Variants in NFASC observed in about 807,000 individuals in gnomAD.
NFASC encodes the protein neurofascin homolog.
In NFASC, 43 loss-of-function variants were observed where a neutral mutation model predicts 147.5. The ratio of observed to expected loss-of-function variants is 0.29; its 90% CI spans 0.23 to 0.38. The LOEUF is 0.38. Among genes scored for constraint, NFASC ranks in the 10% least tolerant of loss-of-function variants. The probability of loss-of-function intolerance (pLI) is 1.00; values close to 1 mark genes in which losing one functional copy is unlikely to be tolerated. For synonymous variants in NFASC, 622 were observed against 665.5 expected (o/e 0.93, Z 1.01); for missense variants, 1,320 against 1,689.0 (o/e 0.78, Z 3.83).
At chr1:204,952,917 C>T (rs1475535984) in intron 5 of NFASC, among the ~76,000 whole-genome samples, 2 of 152,128 alleles carry the variant, frequency 1.3e-5, no homozygotes, top group African/African-American at 4.8e-5. Flanking sequence ...TTTATTCTGG[C>T]CTCCTGGGTT....
At chr1:205,001,422 T>C in intron 26 of NFASC, 136 bp downstream of exon 26, 1 of 647,030 alleles carries the variant, frequency 1.5e-6, no homozygotes, top group South Asian at 1.8e-5. Flanking sequence ...TAATTATGGC[T>C]TAATGAAATC....
intron 1 of NFASC, among the ~76,000 whole-genome samples, chr1:204,879,412 G>A (rs2079684713): frequency 6.6e-6 from 1 of 152,200 alleles, no homozygotes; most frequent in South Asian, 2.1e-4. Flanking sequence ...AGGGCTTGGG[G>A]GCGCTCACTG....
At chr1:204,902,126 T>C (rs2084766172) in intron 1 of NFASC, among the ~76,000 whole-genome samples, 2 of 152,158 alleles carry the variant, frequency 1.3e-5, no homozygotes, top group Admixed American at 1.3e-4. Context: ...AGACCCCGTC[T>C]CTACAACAAG....
intron 1 of NFASC, among the ~76,000 whole-genome samples, chr1:204,904,197 A>G (rs1226412086): frequency 6.6e-6 from 1 of 152,218 alleles, no homozygotes; most frequent in Non-Finnish European, 1.5e-5. Context: ...TCCCAGCCTC[A>G]GGTGATCCTC....
chr1:205,012,878 C>T lies in NFASC; in HGVS notation c.3491+12C>T, dbSNP rs1426901707. On this transcript the variant is annotated intron_variant, in intron 29 of 29. Transcript: ENST00000339876. Reference sequence around the variant, plus strand: ...TCATTTGACTATAGGTGCGTGATCTCCCTCCTCCTCTCTCAGGCAGGCTGT... The same window carrying T: ...TCATTTGACTATAGGTGCGTGATCTTCCTCCTCCTCTCTCAGGCAGGCTGT... 1 of 1,598,802 alleles carries T rather than the reference C, an allele frequency of 6.3e-7. No individual in the cohort carries two copies.
At chr1:204,898,649 G>A (rs1156788976) in intron 1 of NFASC, among the ~76,000 whole-genome samples, 1 of 152,118 alleles carries the variant, frequency 6.6e-6, no homozygotes, top group Non-Finnish European at 1.5e-5. Flanking sequence ...ATTCCCAGTG[G>A]GCCAAAAGGC....
chr1:204,873,134 A>G (rs1020071629), intron 1 of NFASC, among the ~76,000 whole-genome samples: 6 of 134,380 alleles, frequency 4.5e-5, no homozygotes, highest in Admixed American at 4.3e-4. Flanking sequence ...GAGGGGGGCT[A>G]TGTGAAATGT....
intron 1 of NFASC, among the ~76,000 whole-genome samples, chr1:204,843,672 C>T (rs1241043642): frequency 8.5e-5 from 12 of 140,720 alleles, no homozygotes; most frequent in Non-Finnish European, 1.7e-4. Flanking sequence ...TCCTCCCTCC[C>T]TTCCTCCCTT....
chr1:204,952,130 A>G lies in NFASC; in HGVS notation c.215+14A>G, dbSNP rs12141283. 0.41 allele frequency: 651,045 copies of G among 1,588,814 alleles called. 140,764 individuals carry two copies. Among genetic ancestry groups the G allele is most frequent in the Non-Finnish European group, 0.44 (514,323 of 1,157,774 alleles). On this transcript the variant is annotated intron_variant, in intron 5 of 29. Transcript: ENST00000339876. ...CCCTGCCCCCAGGTGAGTGAAGGGGAAAAAGAGTGCATTGAAACCACCCGC... is the reference window on the plus strand; with the variant it reads ...CCCTGCCCCCAGGTGAGTGAAGGGGGAAAAGAGTGCATTGAAACCACCCGC...
At chr1:204,853,450 C>T (rs769054437) in intron 1 of NFASC, among the ~76,000 whole-genome samples, 8 of 152,170 alleles carry the variant, frequency 5.3e-5, no homozygotes, top group Non-Finnish European at 7.3e-5. Context: ...AGAGCTGCAG[C>T]CTAGAGCCTT....
rs1196546624 is a variant in NFASC, at chr1:205,020,281, G to T, written c.*3742G>T. ...GACGGTGGAAACCCGAGGATGTGTG[G>T]GTTTCCCAGCTAACGGACAAGCTCC... is the stretch of plus-strand genomic sequence containing the variant. On this transcript the variant is annotated 3_prime_UTR_variant, in exon 30 of 30. Transcript: ENST00000339876. 1 of 152,286 alleles carries T rather than the reference G, an allele frequency of 6.6e-6. No individual in the cohort carries two copies. The highest frequency in any genetic ancestry group is 2.4e-5 in the African/African-American group (1 of 41,434). The allele number at this position is 152,286 out of a possible 1,614,324, so 9.4% of individuals were successfully genotyped here.
At chr1:204,957,860 CA>C in intron 8 of NFASC, 34 bp downstream of exon 8, 1 of 1,607,080 alleles carries the variant, frequency 6.2e-7, no homozygotes, top group Non-Finnish European at 8.5e-7. Flanking sequence ...GGCTGGGGGC[CA>C]AAGAAAGAAG....
intron 1 of NFASC, among the ~76,000 whole-genome samples, chr1:204,853,503 T>C (rs2075875597): frequency 6.6e-6 from 1 of 152,226 alleles, no homozygotes; most frequent in African/African-American, 2.4e-5. Flanking sequence ...CACTGGCTCC[T>C]GTAGTACTTT....
chr1:204,920,769 G>A lies in NFASC; in HGVS notation c.-91+29G>A, dbSNP rs1001457614. 4 of 1,095,000 alleles carry A rather than the reference G, an allele frequency of 3.7e-6. No homozygotes were observed. In the African/African-American group the frequency reaches 6.5e-5, roughly 18 times the overall value. The allele number at this position is 1,095,000 out of a possible 1,614,324, so 67.8% of individuals were successfully genotyped here. A position where few individuals can be genotyped will look rare whatever the true frequency, so the allele number is the denominator to read the frequency against. The stretch of plus-strand genomic sequence containing the variant: ...AGCAGGACTTGGGCCTGGGGTATGT[G>A]TCATTGGAGGGGTGAGAATGAGGGG... On this transcript the variant is annotated intron_variant, in intron 2 of 29. Coordinates refer to ENST00000339876, the MANE Select transcript of NFASC (RefSeq NM_001005388.3).
Position 204,954,472 on chromosome 1 carries a change from C to G in NFASC, c.412+88C>G. On this transcript the variant is annotated intron_variant, in intron 6 of 29. Transcript: ENST00000339876. The surrounding 1 kb of genome is among the most constrained non-coding windows in gnomAD (Gnocchi z 5.7). ...GGAAGGCCATTCCAGAAGGGCTGCC[C>G]CTGCCCTTGGCCTGCAGTTGCCTTG... The G allele has an allele frequency of 1.2e-5, 15 of 1,292,044 alleles. No homozygotes were observed. The highest frequency in any genetic ancestry group is 1.6e-5 in the Non-Finnish European group (15 of 931,104). 80.0% of individuals were successfully genotyped at this position (1,292,044 alleles called of 1,614,324 possible). A position where few individuals can be genotyped will look rare whatever the true frequency, so the allele number is the denominator to read the frequency against.
At chr1:204,957,257 C>T (rs1462154153) in intron 7 of NFASC, among the ~76,000 whole-genome samples, 1 of 152,226 alleles carries the variant, frequency 6.6e-6, no homozygotes, top group East Asian at 1.9e-4. Flanking sequence ...GGTCCCTGGC[C>T]TCTGAGTGCT....
In NFASC at chr1:204,973,433, T is replaced by C. The variant is rs375462956; in HGVS notation, c.1279+14T>C. ...TCAGTGTGCTGGGTGAGTGTGCCCT[T>C]CGCAGCCTGTTTCCCCCTCCTCTCC... On this transcript the variant is annotated intron_variant, in intron 12 of 29. Transcript: ENST00000339876. 3.7e-6 allele frequency: 6 copies of C among 1,613,836 alleles called. No individual in the cohort carries two copies. In the East Asian group the frequency reaches 1.3e-4, roughly 36 times the overall value.
intron 16 of NFASC, chr1:204,977,209 C>A: frequency 2.5e-6 from 2 of 803,356 alleles, no homozygotes; most frequent in Non-Finnish European, 3.1e-6. Flanking sequence ...CCCGCTCCAT[C>A]CCTGGGTTTT....
At chr1:204,978,512 G>T (rs913696898) in intron 17 of NFASC, among the ~76,000 whole-genome samples, 2 of 152,122 alleles carry the variant, frequency 1.3e-5, no homozygotes, top group African/African-American at 4.8e-5. Context: ...GCCCTCTCCT[G>T]GGTTCCCATC....
Sources: gnomAD v4.1 joint callset for allele counts (sites outside exome capture counted in the v4.1 genomes callset) on GRCh38, gnomAD v4.1.1 for gene constraint, Gnocchi (gnomAD v3.1) non-coding constraint, MANE v1.5 for transcripts, NCBI Gene and HGNC (gene_info 2026-07-23, HGNC 2026-07-21) for gene names.